CDH13: variants seen among roughly 807,000 people sequenced by gnomAD.
CDH13 encodes the protein cadherin 13, also known as cadherin-13.
A neutral mutation model predicts 63.8 loss-of-function variants in CDH13; 24 were observed. That is an observed-to-expected ratio of 0.38 (90% CI 0.27 to 0.53). The LOEUF is 0.53. CDH13 is among the 20% of genes least tolerant of loss of function. The pLI, the probability that CDH13 is intolerant of heterozygous loss-of-function variation, is 0.85. For synonymous variants in CDH13, 503 were observed against 355.3 expected, an observed-to-expected ratio of 1.42 and a Z score of -4.67; for missense variants, 1,049 against 903.1, an observed-to-expected ratio of 1.16 and a Z score of -2.07.
intron 6 of CDH13, among the ~76,000 whole-genome samples, chr16:83,374,645 G>T (rs911085910): frequency 3.3e-5 from 5 of 152,230 alleles, no homozygotes; most frequent in Admixed American, 2.0e-4. Flanking sequence ...CGAGGCGGAA[G>T]AAGCTTAAAG....
chr16:83,085,447 C>T (rs2033529903), intron 3 of CDH13, among the ~76,000 whole-genome samples: 1 of 152,134 alleles, frequency 6.6e-6, no homozygotes, highest in Admixed American at 6.5e-5. Flanking sequence ...ATGGCTGATA[C>T]ATGTCTAGCT....
chr16:83,349,969 G>A (rs1313092833), intron 6 of CDH13, among the ~76,000 whole-genome samples: 3 of 152,140 alleles, frequency 2.0e-5, no homozygotes, highest in Non-Finnish European at 2.9e-5. Context: ...GGGAGCTCAA[G>A]GAAATGACAT....
At chr16:82,793,087 A>G (rs1221915680) in intron 1 of CDH13, among the ~76,000 whole-genome samples, 2 of 152,254 alleles carry the variant, frequency 1.3e-5, no homozygotes, top group African/African-American at 4.8e-5. Flanking sequence ...TGCAGCCCTC[A>G]TAGCACTAAG....
At chr16:83,197,915 T>C (rs189294472) in intron 4 of CDH13, among the ~76,000 whole-genome samples, 1 of 152,232 alleles carries the variant, frequency 6.6e-6, no homozygotes, top group East Asian at 1.9e-4. Flanking sequence ...ATTGTGACAT[T>C]GTACCACAGT....
At chr16:83,701,342 A>G (rs1416427860) in intron 10 of CDH13, among the ~76,000 whole-genome samples, 3 of 152,174 alleles carry the variant, frequency 2.0e-5, no homozygotes, top group Non-Finnish European at 2.9e-5. Context: ...AGCGCTCCCA[A>G]TTCATTTCTT....
At chr16:83,526,963 C>G (rs1223290004) in intron 7 of CDH13, among the ~76,000 whole-genome samples, 1 of 152,006 alleles carries the variant, frequency 6.6e-6, no homozygotes, top group African/African-American at 2.4e-5. Context: ...GAAACCCCGT[C>G]TATACTAAAA....
chr16:83,761,608 T>C (rs1390954389), intron 11 of CDH13, among the ~76,000 whole-genome samples: 3 of 152,246 alleles, frequency 2.0e-5, no homozygotes, highest in Non-Finnish European at 2.9e-5. Flanking sequence ...AGTTGGCCCT[T>C]TGATTGGCTC....
At chr16:83,758,382 T>C (rs1446558108) in intron 11 of CDH13, among the ~76,000 whole-genome samples, 5 of 152,130 alleles carry the variant, frequency 3.3e-5, no homozygotes, top group Admixed American at 3.3e-4. Flanking sequence ...AGAGTTGCAT[T>C]TGAAAAAAAT....
At chr16:82,752,749 T>A (rs141138380) in intron 1 of CDH13, among the ~76,000 whole-genome samples, 1 of 152,292 alleles carries the variant, frequency 6.6e-6, no homozygotes, top group Non-Finnish European at 1.5e-5. Flanking sequence ...CTCTTTCCAC[T>A]GTGATTCAAG....
At chr16:82,911,144 C>T (rs887962310) in intron 2 of CDH13, among the ~76,000 whole-genome samples, 9 of 152,144 alleles carry the variant, frequency 5.9e-5, no homozygotes, top group South Asian at 4.1e-4. Flanking sequence ...GAGCTTTGAG[C>T]GTTCTCTCAC....
intron 3 of CDH13, among the ~76,000 whole-genome samples, chr16:83,070,547 T>C (rs1850072046): frequency 1.3e-5 from 2 of 152,190 alleles, no homozygotes; most frequent in Admixed American, 6.5e-5. Context: ...AAAAAAACTA[T>C]CTTGGTGATA....
chr16:83,072,525 C>G (rs1228335279), intron 3 of CDH13, among the ~76,000 whole-genome samples: 2 of 152,096 alleles, frequency 1.3e-5, no homozygotes, highest in Admixed American at 1.3e-4. Flanking sequence ...AATTTTCTGT[C>G]AAAAGCTAGA....
rs147834825 is a variant in CDH13 at position 83,417,008 on chromosome 16, T to C, written c.782-69469T>C. On this transcript the variant is annotated intron_variant, in intron 6 of 13. Coordinates refer to ENST00000567109, the MANE Select transcript of CDH13 (RefSeq NM_001257.5). ...AGTGTTTTTAAAATCAGTAATATTA[T>C]TGACAACCTTTTCTGAATATTGTCC... Among the ~76,000 whole-genome samples the C allele has an allele frequency of 9.9e-3, 1,509 of 152,316 alleles. 27 individuals are homozygous for C. Among genetic ancestry groups the C allele is most frequent in the African/African-American group, 0.034 (1,430 of 41,572 alleles).
At chr16:83,587,671 C>T (rs1906301233) in intron 7 of CDH13, among the ~76,000 whole-genome samples, 1 of 152,064 alleles carries the variant, frequency 6.6e-6, no homozygotes, top group African/African-American at 2.4e-5. Context: ...ATTTAGATTC[C>T]ACACAGATCA....
chr16:83,348,541 G>A (rs530279836), intron 6 of CDH13, among the ~76,000 whole-genome samples: 1 of 152,206 alleles, frequency 6.6e-6, no homozygotes, highest in Non-Finnish European at 1.5e-5. Context: ...CTGGGGCTTG[G>A]TTTAGCGTTC....
At chr16:83,102,283 G>A (rs1481673967) in intron 3 of CDH13, among the ~76,000 whole-genome samples, 1 of 152,236 alleles carries the variant, frequency 6.6e-6, no homozygotes, top group African/African-American at 2.4e-5. Flanking sequence ...ATAAATGTGT[G>A]TTGTTTTAAG....
At chr16:82,916,086 A>G (rs1439944929) in intron 2 of CDH13, among the ~76,000 whole-genome samples, 1 of 152,156 alleles carries the variant, frequency 6.6e-6, no homozygotes, top group East Asian at 1.9e-4. Flanking sequence ...ATGCCTCCAG[A>G]CTACATTCCT....
intron 1 of CDH13, among the ~76,000 whole-genome samples, chr16:82,790,767 G>A (rs908947871): frequency 6.6e-6 from 1 of 152,186 alleles, no homozygotes; most frequent in African/African-American, 2.4e-5. Flanking sequence ...AGTGCCAAGG[G>A]AAGAGGGAGG....
intron 5 of CDH13, among the ~76,000 whole-genome samples, chr16:83,288,604 T>A (rs1044567937): frequency 2.0e-5 from 3 of 152,280 alleles, no homozygotes; most frequent in Middle Eastern, 3.4e-3. Flanking sequence ...TGCGGTGACA[T>A]TCACATGGCA....
Sources: gnomAD v4.1 joint callset for allele counts (sites outside exome capture counted in the v4.1 genomes callset) on GRCh38, gnomAD v4.1.1 for gene constraint, MANE v1.5 for transcripts, NCBI Gene and HGNC (gene_info 2026-07-23, HGNC 2026-07-21) for gene names.